CFAP210: variants seen among roughly 807,000 people sequenced by gnomAD.
The protein encoded by CFAP210 is cilia- and flagella- associated protein 210.
At chr2:169,689,953 A>T in the CFAP210 span, among the ~76,000 whole-genome samples, 36,731 of 152,078 alleles carry the variant, frequency 0.24, 4,649 homozygotes, top group Non-Finnish European at 0.27. Context: ...GTATATAATA[A>T]TTTTTTATAT....
the CFAP210 span, among the ~76,000 whole-genome samples, chr2:169,657,612 G>A: frequency 6.6e-6 from 1 of 152,092 alleles, no homozygotes; most frequent in Non-Finnish European, 1.5e-5. Flanking sequence ...AGCTACTCGG[G>A]AGGCTGAGGC....
At chr2:169,674,439 A>G in the CFAP210 span, 2 of 652,748 alleles carry the variant, frequency 3.1e-6, no homozygotes, top group South Asian at 4.5e-5. Context: ...AGAAAGTGAT[A>G]GCGATTTTTA....
the CFAP210 span, among the ~76,000 whole-genome samples, chr2:169,671,665 T>A: frequency 6.6e-6 from 1 of 152,220 alleles, no homozygotes. Flanking sequence ...AGACAGGGTT[T>A]CACCATGTTG....
chr2:169,646,200 G>A, the CFAP210 span: 24 of 1,554,400 alleles, frequency 1.5e-5, no homozygotes, highest in Non-Finnish European at 1.8e-5. Flanking sequence ...GGAAAGAAAG[G>A]AAATTTAACT....
At chr2:169,689,210 C>T in the CFAP210 span, among the ~76,000 whole-genome samples, 1 of 152,214 alleles carries the variant, frequency 6.6e-6, no homozygotes, top group African/African-American at 2.4e-5. Flanking sequence ...TTGGGAGATA[C>T]AATTCAAGTT....
chr2:169,681,124 T>G, the CFAP210 span: 239 of 1,613,846 alleles, frequency 1.5e-4, no homozygotes, highest in Non-Finnish European at 2.0e-4. Flanking sequence ...CAAGGCTATC[T>G]TGAATCCTTT....
the CFAP210 span, among the ~76,000 whole-genome samples, chr2:169,657,556 A>ACTTTTAAT: frequency 6.6e-6 from 1 of 152,140 alleles, no homozygotes. Flanking sequence ...TGTCTCTATT[A>ACTTTTAAT]AAAGTACAAA....
the CFAP210 span, among the ~76,000 whole-genome samples, chr2:169,691,121 G>A: frequency 6.6e-6 from 1 of 151,780 alleles, no homozygotes; most frequent in Non-Finnish European, 1.5e-5. Flanking sequence ...TCATTATTCT[G>A]AGACTGAATA....
chr2:169,661,172 C>T, the CFAP210 span: 1 of 576,946 alleles, frequency 1.7e-6, no homozygotes, highest in Non-Finnish European at 3.4e-6. Context: ...CCCAGTGGAA[C>T]AAATGCACCC....
At chr2:169,650,827 G>GGTA in the CFAP210 span, among the ~76,000 whole-genome samples, 1 of 151,536 alleles carries the variant, frequency 6.6e-6, no homozygotes, top group African/African-American at 2.4e-5. Context: ...GGCCAGGTGT[G>GGTA]GTAGCTCATG....
the CFAP210 span, among the ~76,000 whole-genome samples, chr2:169,688,056 G>A: frequency 6.6e-6 from 1 of 152,216 alleles, no homozygotes; most frequent in Non-Finnish European, 1.5e-5. Context: ...TTTCAGCCAT[G>A]GCTGGAGCAG....
the CFAP210 span, among the ~76,000 whole-genome samples, chr2:169,687,136 G>A: frequency 6.6e-6 from 1 of 152,054 alleles, no homozygotes; most frequent in Non-Finnish European, 1.5e-5. Context: ...CTCTCCCTGG[G>A]TCCCTCCCAC....
the CFAP210 span, among the ~76,000 whole-genome samples, chr2:169,650,150 C>T: frequency 2.0e-5 from 3 of 152,042 alleles, no homozygotes; most frequent in East Asian, 5.8e-4. Context: ...TTGTAACTGT[C>T]GTGTCATCTT....
chr2:169,647,012 G>A, the CFAP210 span, among the ~76,000 whole-genome samples: 1 of 151,956 alleles, frequency 6.6e-6, no homozygotes, highest in African/African-American at 2.4e-5. Flanking sequence ...ACCCAAACCT[G>A]ATATCTATCA....
At chr2:169,664,063 G>A in the CFAP210 span, among the ~76,000 whole-genome samples, 1 of 151,678 alleles carries the variant, frequency 6.6e-6, no homozygotes, top group South Asian at 2.1e-4. Context: ...GCCGGATGTG[G>A]TGGTGCCCAC....
chr2:169,674,168 A>G, the CFAP210 span, among the ~76,000 whole-genome samples: 1 of 152,152 alleles, frequency 6.6e-6, no homozygotes, highest in Non-Finnish European at 1.5e-5. Flanking sequence ...TACCATGTGA[A>G]AAGTTTCCCC....
chr2:169,668,741 T>G, the CFAP210 span, among the ~76,000 whole-genome samples: 2 of 152,188 alleles, frequency 1.3e-5, no homozygotes, highest in Non-Finnish European at 2.9e-5. Flanking sequence ...CAATTAAGTT[T>G]GCCATCTTAT....
At chr2:169,645,851 A>C in the CFAP210 span, 7 of 1,608,256 alleles carry the variant, frequency 4.4e-6, no homozygotes, top group Non-Finnish European at 5.9e-6. Flanking sequence ...CTACCATGTA[A>C]AACCTAGCCT....
chr2:169,656,523 G>A, the CFAP210 span, among the ~76,000 whole-genome samples: 1 of 150,678 alleles, frequency 6.6e-6, no homozygotes, highest in South Asian at 2.1e-4. Context: ...AGGAGGAGGA[G>A]AAGGAGACAG....
Sources: gnomAD v4.1 joint callset for allele counts (sites outside exome capture counted in the v4.1 genomes callset) on GRCh38, gnomAD v4.1.1 for gene constraint, MANE v1.5 for transcripts, NCBI Gene and HGNC (gene_info 2026-07-23, HGNC 2026-07-21) for gene names.